Variants in ADAMTS12 observed in about 807,000 individuals in gnomAD.
The protein encoded by ADAMTS12 is A disintegrin and metalloproteinase with thrombospondin motifs 12.
Under a neutral mutation model 167.8 loss-of-function variants are expected in ADAMTS12, and 118 were observed. The ratio of observed to expected loss-of-function variants is 0.70; its 90% CI spans 0.61 to 0.82. The LOEUF (loss-of-function observed/expected upper bound fraction) is 0.82. Among genes scored for constraint, ADAMTS12 ranks in the 40% least tolerant of loss-of-function variants. The pLI, the probability that ADAMTS12 is intolerant of heterozygous loss-of-function variation, is 0.00. For missense variants in ADAMTS12, 1,916 were observed against 1,998.8 expected (o/e 0.96, Z 0.79); for synonymous variants, 704 against 716.9 (o/e 0.98, Z 0.29).
chr5:33,592,531 C>T (rs1388274681), intron 17 of ADAMTS12, among the ~76,000 whole-genome samples: 3 of 152,154 alleles, frequency 2.0e-5, no homozygotes, highest in Admixed American at 6.5e-5. Context: ...CTCAAATAAC[C>T]TCTTTCTGGA....
chr5:33,737,258 G>A (rs544484347), intron 3 of ADAMTS12, among the ~76,000 whole-genome samples: 21 of 152,176 alleles, frequency 1.4e-4, no homozygotes, highest in African/African-American at 3.9e-4. Context: ...GGATCATCTC[G>A]AAAGGTGGTG....
chr5:33,651,899 T>C (rs1348378267), intron 7 of ADAMTS12, among the ~76,000 whole-genome samples: 3 of 152,194 alleles, frequency 2.0e-5, no homozygotes, highest in African/African-American at 7.2e-5. Flanking sequence ...ATGAGGTATT[T>C]GATTTTCTAA....
intron 2 of ADAMTS12, among the ~76,000 whole-genome samples, chr5:33,834,432 T>C (rs1372560104): frequency 6.6e-6 from 1 of 152,234 alleles, no homozygotes; most frequent in East Asian, 1.9e-4. Flanking sequence ...AAATTTATCT[T>C]TGAAACACGT....
chr5:33,537,849 G>A (rs1384632957), intron 22 of ADAMTS12, among the ~76,000 whole-genome samples: 2 of 152,146 alleles, frequency 1.3e-5, no homozygotes, highest in African/African-American at 4.8e-5. Context: ...AATAGCTGGG[G>A]GCATTATGTT....
chr5:33,764,214 T>C (rs561455522), intron 2 of ADAMTS12, among the ~76,000 whole-genome samples: 17 of 152,356 alleles, frequency 1.1e-4, no homozygotes, highest in African/African-American at 4.1e-4. Context: ...ATTGCTAACC[T>C]ACTTTAATTA....
At chr5:33,844,553 G>T (rs1030337734) in intron 2 of ADAMTS12, among the ~76,000 whole-genome samples, 2 of 152,052 alleles carry the variant, frequency 1.3e-5, no homozygotes, top group Non-Finnish European at 2.9e-5. Flanking sequence ...AATAAATTTT[G>T]GTCAGACCGG....
chr5:33,875,321 T>C, intron 2 of ADAMTS12, among the ~76,000 whole-genome samples: 1 of 152,232 alleles, frequency 6.6e-6, no homozygotes, highest in African/African-American at 2.4e-5. Flanking sequence ...ATGTAAACAA[T>C]AAACTTTAGG....
At chr5:33,588,939 T>C (rs1231184119) in intron 17 of ADAMTS12, 130 bp from the exon 18 acceptor site, 3 of 1,113,206 alleles carry the variant, frequency 2.7e-6, no homozygotes, top group African/African-American at 3.2e-5. Context: ...TCCAACCCAC[T>C]AGGGGGCGTG....
chr5:33,671,979 TCA>T (rs368253497), intron 5 of ADAMTS12, among the ~76,000 whole-genome samples: 10 of 132,472 alleles, frequency 7.5e-5, no homozygotes, highest in African/African-American at 2.4e-4. Flanking sequence ...ACTCACATAC[TCA>T]CATACACACA....
At chr5:33,650,163 C>T (rs1434803242) in intron 7 of ADAMTS12, among the ~76,000 whole-genome samples, 1 of 152,212 alleles carries the variant, frequency 6.6e-6, no homozygotes, top group Admixed American at 6.5e-5. Flanking sequence ...AGCCTACAAG[C>T]TTTGAGGGAT....
intron 2 of ADAMTS12, among the ~76,000 whole-genome samples, chr5:33,773,047 A>G (rs1210729136): frequency 1.3e-5 from 2 of 152,246 alleles, no homozygotes; most frequent in African/African-American, 4.8e-5. Context: ...ATACTTTGCA[A>G]ACAACCTGCA....
intron 1 of ADAMTS12, among the ~76,000 whole-genome samples, chr5:33,890,042 G>A (rs986636397): frequency 1.3e-5 from 2 of 151,986 alleles, no homozygotes; most frequent in Admixed American, 6.6e-5. Context: ...TTTGAACAGT[G>A]GATACTCTCA....
chr5:33,576,396 C>T lies in ADAMTS12; in HGVS notation c.3630G>A (p.Trp1210Ter). 1.2e-6 allele frequency: 2 copies of T among 1,613,912 alleles called. No homozygotes were observed. The highest frequency in any genetic ancestry group is 1.7e-6 in the Non-Finnish European group (2 of 1,179,902). Residue 1210 changes from tryptophan (W) to a stop codon, truncating the protein, a stop_gained, in exon 19 of 24, where the codon TGG becomes TGA. Transcript: ENST00000504830. LOFTEE classifies it high-confidence loss of function. ...CTTCCATTACTGTGCTGAAGGGTGGCCACCAGGACTCCCTGCTGAGATCTG... is the reference window on the plus strand; with the variant it reads ...CTTCCATTACTGTGCTGAAGGGTGGTCACCAGGACTCCCTGCTGAGATCTG... ...LTPDLSRESW[W>*]PPFSTVMEGL... is the part of the protein sequence containing the mutation.
chr5:33,586,015 C>A (rs1398999909), intron 18 of ADAMTS12, among the ~76,000 whole-genome samples: 1 of 152,174 alleles, frequency 6.6e-6, no homozygotes, highest in African/African-American at 2.4e-5. Flanking sequence ...GTCTAGAAGG[C>A]TGTCAGTTCT....
At chr5:33,891,359 T>C (rs920503632) in intron 1 of ADAMTS12, among the ~76,000 whole-genome samples, 1 of 150,900 alleles carries the variant, frequency 6.6e-6, no homozygotes, top group African/African-American at 2.4e-5. Context: ...AGTAGCCAGT[T>C]AGCACTTAAA....
chr5:33,808,177 A>C (rs754252972), intron 2 of ADAMTS12, among the ~76,000 whole-genome samples: 1 of 152,236 alleles, frequency 6.6e-6, no homozygotes, highest in African/African-American at 2.4e-5. Context: ...TTAGAGAAGT[A>C]TGTGTCTTTA....
intron 7 of ADAMTS12, 73 bp downstream of exon 7, chr5:33,658,107 GTGTT>G: frequency 4.5e-6 from 7 of 1,558,492 alleles, no homozygotes; most frequent in Non-Finnish European, 6.1e-6. Flanking sequence ...AATTTGAGGT[GTGTT>G]CACCTCAAAT....
chr5:33,885,483 A>T (rs967881618), intron 1 of ADAMTS12, among the ~76,000 whole-genome samples: 5 of 152,080 alleles, frequency 3.3e-5, no homozygotes, highest in South Asian at 2.1e-4. Context: ...TAAAAAATAA[A>T]AAATAATAAA....
intron 5 of ADAMTS12, among the ~76,000 whole-genome samples, chr5:33,669,436 G>C (rs1178596393): frequency 6.6e-6 from 1 of 152,050 alleles, no homozygotes; most frequent in South Asian, 2.1e-4. Flanking sequence ...TGTACCAATA[G>C]GTAAAGTCCA....
Sources: allele counts gnomAD v4.1 joint callset (sites outside exome capture counted in the v4.1 genomes callset), GRCh38; gene constraint gnomAD v4.1.1; transcripts MANE v1.5; gene names NCBI Gene and HGNC (gene_info 2026-07-23, HGNC 2026-07-21).